Variants in TSNARE1 observed in about 807,000 individuals in gnomAD.
TSNARE1 encodes t-SNARE domain containing 1, also known as t-SNARE domain-containing protein 1.
TSNARE1 carries 49 observed loss-of-function variants against 62.0 expected under a neutral mutation model. That is an observed-to-expected ratio of 0.79 (90% CI 0.63 to 1.00). TSNARE1 has a LOEUF of 1.00. Among genes scored for constraint, TSNARE1 ranks in the 50% least tolerant of loss-of-function variants. The pLI is 0.00. For synonymous variants in TSNARE1, 328 were observed against 294.4 expected (o/e 1.11, Z -1.17); for missense variants, 755 against 700.1 (o/e 1.08, Z -0.88).
At chr8:142,388,974 G>A (rs998443717) in intron 1 of TSNARE1, among the ~76,000 whole-genome samples, 3 of 152,194 alleles carry the variant, frequency 2.0e-5, no homozygotes, top group Non-Finnish European at 4.4e-5. Context: ...TAAAATTTCT[G>A]AGGATAAAGA....
intron 12 of TSNARE1, among the ~76,000 whole-genome samples, chr8:142,240,344 A>G (rs1271440139): frequency 6.6e-6 from 1 of 151,894 alleles, no homozygotes; most frequent in African/African-American, 2.4e-5. Context: ...CACGGAATAC[A>G]TAAAGCAAAC....
At chr8:142,350,085 A>G (rs1032074952) in intron 2 of TSNARE1, among the ~76,000 whole-genome samples, 2 of 91,688 alleles carry the variant, frequency 2.2e-5, no homozygotes, top group Non-Finnish European at 4.1e-5. Context: ...CAGGCAGGGC[A>G]GGCAGGGCAG....
intron 10 of TSNARE1, among the ~76,000 whole-genome samples, chr8:142,290,825 G>A (rs1001505551): frequency 1.3e-5 from 2 of 152,220 alleles, no homozygotes; most frequent in African/African-American, 2.4e-5. Flanking sequence ...GGCCTGCCAG[G>A]TAGCCATGGC....
rs962089061 is a variant in TSNARE1, at chr8:142,242,886, C to T, written c.1447-13307G>A. 4.7e-5 allele frequency among the ~76,000 whole-genome samples: 6 copies of T among 126,968 alleles called. No homozygotes were observed. In the East Asian group the frequency reaches 1.0e-3, roughly 21 times the overall value. The allele number at this position is 126,968 out of a possible 152,430, so 83.3% of individuals were successfully genotyped here. On this transcript the variant is annotated intron_variant, in intron 12 of 13. Transcript: ENST00000524325. ...CTGAAGCAGGAGAATTGCTTGAACC[C>T]GGGAGGTGGAGGTTGCAGTGAGCTG...
chr8:142,361,273 C>T (rs1172619911), intron 1 of TSNARE1, among the ~76,000 whole-genome samples: 1 of 152,242 alleles, frequency 6.6e-6, no homozygotes, highest in African/African-American at 2.4e-5. Flanking sequence ...GACGGGAAAG[C>T]GGCATCGTGC....
intron 1 of TSNARE1, among the ~76,000 whole-genome samples, chr8:142,390,333 C>T (rs79417426): frequency 2.0e-3 from 252 of 126,368 alleles, no homozygotes; most frequent in Non-Finnish European, 2.5e-3. Flanking sequence ...CGGGGGACTC[C>T]GTAACAGACG....
chr8:142,325,805 C>G (rs1356263300), intron 6 of TSNARE1, among the ~76,000 whole-genome samples: 2 of 152,196 alleles, frequency 1.3e-5, no homozygotes, highest in African/African-American at 4.8e-5. Context: ...GACGAACCAG[C>G]ACCAACGAAG....
intron 9 of TSNARE1, among the ~76,000 whole-genome samples, chr8:142,304,267 C>T (rs1826283698): frequency 6.6e-6 from 1 of 152,234 alleles, no homozygotes; most frequent in South Asian, 2.1e-4. Context: ...GCGCCAAGCC[C>T]AGCAACCCCA....
At chr8:142,274,620 C>T in intron 12 of TSNARE1, 161 bp downstream of exon 12, 1 of 985,478 alleles carries the variant, frequency 1.0e-6, no homozygotes, top group Non-Finnish European at 1.2e-6. Context: ...CTCCCAGAGC[C>T]CTAGGGCACG....
chr8:142,318,941 G>A (rs1292007469), intron 6 of TSNARE1, among the ~76,000 whole-genome samples: 1 of 151,918 alleles, frequency 6.6e-6, no homozygotes, highest in African/African-American at 2.4e-5. Flanking sequence ...GCCAGGACAG[G>A]GAGAGACAGG....
At chr8:142,380,682 T>C (rs1836674157) in intron 1 of TSNARE1, among the ~76,000 whole-genome samples, 1 of 152,014 alleles carries the variant, frequency 6.6e-6, no homozygotes, top group Admixed American at 6.5e-5. Flanking sequence ...GGAAACAAGC[T>C]GTGTGGTGAG....
chr8:142,257,359 C>T (rs892480455), intron 12 of TSNARE1, among the ~76,000 whole-genome samples: 25 of 152,268 alleles, frequency 1.6e-4, no homozygotes, highest in African/African-American at 4.3e-4. Context: ...AGGAGCTCCC[C>T]GCAAGCCCGA....
rs1350000383 is a variant in TSNARE1, at chr8:142,291,456, T to C, written c.1291-6971A>G. Among the ~76,000 whole-genome samples, 3 of 152,142 alleles carry C rather than the reference T, an allele frequency of 2.0e-5. No homozygotes were observed. The highest frequency in any genetic ancestry group is 1.5e-5 in the Non-Finnish European group (1 of 68,034). On this transcript the variant is annotated intron_variant, in intron 10 of 13. Coordinates refer to ENST00000524325, the MANE Select transcript of TSNARE1 (RefSeq NM_145003.5). The surrounding 1 kb of genome is among the most constrained non-coding windows in gnomAD (Gnocchi z 4.8). ...TATAAATAATGTCAGCAGGGCCTTG[T>C]CGTTAAACACAGAGCCTCCATGGAG...
In TSNARE1 at chr8:142,270,390, T is replaced by C. The variant is rs999763785; in HGVS notation, c.1446+4391A>G. 6 of 985,250 alleles carry C rather than the reference T, an allele frequency of 6.1e-6. No homozygotes were observed. The African/African-American group carries it at 8.7e-5, about 14-fold the overall frequency. The allele number at this position is 985,250 out of a possible 1,614,324, so 61.0% of individuals were successfully genotyped here. Reference sequence around the variant, plus strand: ...CCGCACTGCTGCCTGCTTTGTCATTTTATGCTTATGTAAAAAAATACTTTT... The same window carrying C: ...CCGCACTGCTGCCTGCTTTGTCATTCTATGCTTATGTAAAAAAATACTTTT... On this transcript the variant is annotated intron_variant, in intron 12 of 13. Transcript: ENST00000524325.
chr8:142,332,516 C>T (rs1301165566), intron 4 of TSNARE1, among the ~76,000 whole-genome samples: 1 of 152,138 alleles, frequency 6.6e-6, no homozygotes, highest in Admixed American at 6.5e-5. Flanking sequence ...AGACACTGAG[C>T]TATATGCTTT....
chr8:142,237,118 T>C (rs1310639830), intron 12 of TSNARE1, among the ~76,000 whole-genome samples: 1 of 150,912 alleles, frequency 6.6e-6, no homozygotes, highest in East Asian at 2.0e-4. Flanking sequence ...CTCTGCCCAG[T>C]TCTTCCCCAG....
intron 9 of TSNARE1, among the ~76,000 whole-genome samples, chr8:142,303,952 G>C (rs953878935): frequency 6.6e-6 from 1 of 152,222 alleles, no homozygotes; most frequent in African/African-American, 2.4e-5. Context: ...CCTCGGCAGG[G>C]GCACGGCCAC....
chr8:142,345,618 G>A, intron 3 of TSNARE1, 125 bp downstream of exon 3: 1 of 1,180,538 alleles, frequency 8.5e-7, no homozygotes, highest in South Asian at 1.6e-5. Flanking sequence ...GGGGATGCAG[G>A]TCCCTTGCCT....
intron 12 of TSNARE1, chr8:142,271,453 T>A: frequency 2.4e-6 from 3 of 1,260,400 alleles, no homozygotes; most frequent in Non-Finnish European, 3.0e-6. Flanking sequence ...ATGCTGCCGC[T>A]GGGGTCCTCC....
Sources: gnomAD v4.1 joint callset for allele counts (sites outside exome capture counted in the v4.1 genomes callset) on GRCh38, gnomAD v4.1.1 for gene constraint, Gnocchi (gnomAD v3.1) non-coding constraint, MANE v1.5 for transcripts, NCBI Gene and HGNC (gene_info 2026-07-23, HGNC 2026-07-21) for gene names.